The following ATP2B2 variants were observed in gnomAD, a reference collection of about 807,000 sequenced individuals.
ATP2B2 encodes the protein plasma membrane calcium-transporting ATPase 2.
Under a neutral mutation model 120.0 loss-of-function variants are expected in ATP2B2, and 15 were observed. The ratio of observed to expected loss-of-function variants is 0.12; its 90% CI spans 0.08 to 0.19. ATP2B2 has a LOEUF of 0.19. Ranked by LOEUF, ATP2B2 falls within the 10% of genes least tolerant of loss-of-function variation. ATP2B2 has a pLI of 1.00. For missense variants in ATP2B2, 1,045 were observed against 1,719.8 expected, an observed-to-expected ratio of 0.61 and a Z score of 6.94; for synonymous variants, 694 against 700.3, an observed-to-expected ratio of 0.99 and a Z score of 0.14.
At chr3:10,700,594 C>G (rs751913923) in intron 1 of ATP2B2, among the ~76,000 whole-genome samples, 30 of 152,216 alleles carry the variant, frequency 2.0e-4, no homozygotes, top group Admixed American at 4.6e-4. Context: ...ACCTCAAACA[C>G]TAACATTTTT....
intron 8 of ATP2B2, among the ~76,000 whole-genome samples, chr3:10,382,189 C>T (rs1033070897): frequency 5.4e-5 from 7 of 129,518 alleles, no homozygotes; most frequent in African/African-American, 2.2e-4. Flanking sequence ...CTATACCCAG[C>T]TAATTAAATT....
chr3:10,496,450 A>G (rs1020641220), intron 1 of ATP2B2, among the ~76,000 whole-genome samples: 3 of 152,220 alleles, frequency 2.0e-5, no homozygotes, highest in South Asian at 4.1e-4. Flanking sequence ...GGGGTATGAA[A>G]GGCCAGCTTT....
chr3:10,406,721 T>TCTA (rs1251972018), intron 3 of ATP2B2, among the ~76,000 whole-genome samples: 1 of 152,226 alleles, frequency 6.6e-6, no homozygotes, highest in East Asian at 1.9e-4. Flanking sequence ...CTACTAACCA[T>TCTA]CTACAATGGG....
chr3:10,526,986 T>C (rs764319862), intron 3 of ATP2B2, among the ~76,000 whole-genome samples: 11 of 152,190 alleles, frequency 7.2e-5, no homozygotes, highest in East Asian at 1.9e-4. Flanking sequence ...CCTATTATTA[T>C]CCCCATTTCA....
chr3:10,586,993 T>A (rs2068525264), intron 2 of ATP2B2, among the ~76,000 whole-genome samples: 1 of 152,160 alleles, frequency 6.6e-6, no homozygotes, highest in East Asian at 1.9e-4. Flanking sequence ...CTCACACACT[T>A]AGCACCACCA....
chr3:10,400,856 T>G, intron 5 of ATP2B2, 97 bp downstream of exon 5: 1 of 1,577,178 alleles, frequency 6.3e-7, no homozygotes, highest in Non-Finnish European at 8.7e-7. Flanking sequence ...GAGCCAAGGA[T>G]CAAAGTCTCT....
chr3:10,465,955 C>A (rs2064721072), intron 1 of ATP2B2, among the ~76,000 whole-genome samples: 1 of 152,208 alleles, frequency 6.6e-6, no homozygotes, highest in Admixed American at 6.5e-5. Flanking sequence ...GAACAGAGGC[C>A]ACCAAAAGGG....
At chr3:10,596,186 T>C (rs753384373) in intron 2 of ATP2B2, among the ~76,000 whole-genome samples, 2 of 152,142 alleles carry the variant, frequency 1.3e-5, no homozygotes, top group Non-Finnish European at 2.9e-5. Flanking sequence ...TAAAGACCCA[T>C]TTAAAGCAGA....
intron 2 of ATP2B2, among the ~76,000 whole-genome samples, chr3:10,534,366 G>A (rs2067268134): frequency 6.6e-6 from 1 of 152,212 alleles, no homozygotes; most frequent in South Asian, 2.1e-4. Context: ...CCACCTGCTG[G>A]CAGGGGTCTC....
chr3:10,347,747 C>CCGTT lies in ATP2B2; in HGVS notation c.2405-1614_2405-1611dup, dbSNP rs1317816768. ...CCCTGTGGCTCCCAGGTGGTGCGGA[C>CCGTT]CGTTGCGTAGCTCAAGCTGTGCGGA... On this transcript the variant is annotated intron_variant, in intron 16 of 22. Transcript: ENST00000360273. This position sits in a 1 kb window ranked among gnomAD's most constrained non-coding sequence, Gnocchi z 5.2. 6.6e-6 allele frequency among the ~76,000 whole-genome samples: 1 copy of CCGTT among 152,218 alleles called. No individual in the cohort carries two copies. Among genetic ancestry groups the CCGTT allele is most frequent in the Non-Finnish European group, 1.5e-5 (1 of 68,026 alleles).
chr3:10,512,821 CAA>C (rs906344129), intron 3 of ATP2B2, among the ~76,000 whole-genome samples: 1 of 152,190 alleles, frequency 6.6e-6, no homozygotes, highest in Admixed American at 6.5e-5. Flanking sequence ...CGAAGTGGTG[CAA>C]AGAGTTTGGG....
chr3:10,638,399 T>C (rs1167592891), intron 1 of ATP2B2, among the ~76,000 whole-genome samples: 1 of 152,086 alleles, frequency 6.6e-6, no homozygotes, highest in Non-Finnish European at 1.5e-5. Context: ...GCATACTGCA[T>C]GTGAAGTGGT....
intron 12 of ATP2B2, among the ~76,000 whole-genome samples, chr3:10,361,993 C>G (rs1350857781): frequency 6.6e-6 from 1 of 152,148 alleles, no homozygotes; most frequent in African/African-American, 2.4e-5. Flanking sequence ...GCAGGTGGCT[C>G]CCATGTGCAC....
intron 2 of ATP2B2, among the ~76,000 whole-genome samples, chr3:10,553,140 C>A (rs963762611): frequency 5.3e-5 from 8 of 152,138 alleles, no homozygotes; most frequent in Admixed American, 5.2e-4. Flanking sequence ...AAAATGCCAC[C>A]GGAATTCTAT....
chr3:10,443,489 G>A (rs986428403), intron 2 of ATP2B2, among the ~76,000 whole-genome samples: 4 of 152,122 alleles, frequency 2.6e-5, no homozygotes, highest in Admixed American at 6.5e-5. Context: ...TTAATGGGGC[G>A]GGGCTTATGA....
intron 2 of ATP2B2, among the ~76,000 whole-genome samples, chr3:10,582,966 T>C (rs1055650366): frequency 1.3e-5 from 2 of 152,248 alleles, no homozygotes; most frequent in Admixed American, 6.5e-5. Flanking sequence ...AAATGTTTAA[T>C]GACTAGTCAT....
intron 1 of ATP2B2, among the ~76,000 whole-genome samples, chr3:10,646,842 A>G (rs923574209): frequency 6.6e-6 from 1 of 152,212 alleles, no homozygotes; most frequent in Non-Finnish European, 1.5e-5. Context: ...TCAAAGACAG[A>G]TAAGGCACCC....
chr3:10,400,771 C>A (rs2062191842), intron 5 of ATP2B2, among the ~76,000 whole-genome samples, 182 bp downstream of exon 5: 1 of 152,234 alleles, frequency 6.6e-6, no homozygotes, highest in South Asian at 2.1e-4. Flanking sequence ...GCTGAGTGCA[C>A]AGTAGGCTCA....
chr3:10,343,413 T>C lies in ATP2B2; in HGVS notation c.2704-448A>G, dbSNP rs2060340384. On this transcript the variant is annotated intron_variant, in intron 18 of 22. Coordinates refer to ENST00000360273, the MANE Select transcript of ATP2B2 (RefSeq NM_001001331.4). The surrounding 1 kb of genome is among the most constrained non-coding windows in gnomAD (Gnocchi z 4.2). Reference sequence around the variant, plus strand: ...GTGCCCGTCCCCCACCCCCCCAATGTCTCCTCCCCTCTTATCCCGCCTTAC... The same window carrying C: ...GTGCCCGTCCCCCACCCCCCCAATGCCTCCTCCCCTCTTATCCCGCCTTAC... Among the ~76,000 whole-genome samples, 1 of 130,954 alleles carries C rather than the reference T, an allele frequency of 7.6e-6. No individual in the cohort carries two copies. The highest frequency in any genetic ancestry group is 1.6e-5 in the Non-Finnish European group (1 of 62,402). The allele number at this position is 130,954 out of a possible 152,430, so 85.9% of individuals were successfully genotyped here. A position where few individuals can be genotyped will look rare whatever the true frequency, so the allele number is the denominator to read the frequency against.
Sources: gnomAD v4.1 joint callset for allele counts (sites outside exome capture counted in the v4.1 genomes callset) on GRCh38, gnomAD v4.1.1 for gene constraint, Gnocchi (gnomAD v3.1) non-coding constraint, MANE v1.5 for transcripts, NCBI Gene and HGNC (gene_info 2026-07-23, HGNC 2026-07-21) for gene names.